Variants in PRKG1 observed in about 807,000 individuals in gnomAD.
The protein encoded by PRKG1 is protein kinase cGMP-dependent 1, also known as cGMP-dependent protein kinase 1.
In PRKG1, 35 loss-of-function variants were observed where a neutral mutation model predicts 88.1. That is an observed-to-expected ratio of 0.40 (90% CI 0.30 to 0.53). The LOEUF is 0.53. PRKG1 is among the 20% of genes least tolerant of loss of function. The pLI, the probability that PRKG1 is intolerant of heterozygous loss-of-function variation, is 0.59. For missense variants in PRKG1, 540 were observed against 839.8 expected, an observed-to-expected ratio of 0.64 and a Z score of 4.41; for synonymous variants, 303 against 292.5, an observed-to-expected ratio of 1.04 and a Z score of -0.37.
At chr10:52,129,429 C>G (rs1837195495) in intron 7 of PRKG1, among the ~76,000 whole-genome samples, 1 of 152,088 alleles carries the variant, frequency 6.6e-6, no homozygotes, top group African/African-American at 2.4e-5. Flanking sequence ...TACTATCACT[C>G]CTAAAATGAG....
intron 5 of PRKG1, among the ~76,000 whole-genome samples, chr10:52,014,535 CT>C (rs1469206750): frequency 6.6e-6 from 1 of 152,174 alleles, no homozygotes; most frequent in Admixed American, 6.5e-5. Flanking sequence ...CATTCTGCCC[CT>C]GGTCCCTCAC....
At chr10:52,217,811 CCTTT>C (rs772428109) in intron 9 of PRKG1, among the ~76,000 whole-genome samples, 1 of 152,126 alleles carries the variant, frequency 6.6e-6, no homozygotes, top group Non-Finnish European at 1.5e-5. Context: ...CTGTGGCTAG[CCTTT>C]CTTTTCCTTC....
At position 52,190,521 on chromosome 10, in the gene PRKG1, T is replaced by C. The variant is rs1014901529; in HGVS notation, c.1076+28558T>C. Among the ~76,000 whole-genome samples, 3 of 152,284 alleles carry C rather than the reference T, an allele frequency of 2.0e-5. No individual in the cohort carries two copies. The South Asian group carries it at 6.2e-4, about 32-fold the overall frequency. ...TACGTGTCAAGCATGAATTACCTGA[T>C]TTAATCCTAACAACTCTATTAGAAA... On this transcript the variant is annotated intron_variant, in intron 9 of 17. Transcript: ENST00000373980.
At chr10:51,595,103 T>G (rs958956821) in intron 3 of PRKG1, among the ~76,000 whole-genome samples, 1 of 152,100 alleles carries the variant, frequency 6.6e-6, no homozygotes, top group African/African-American at 2.4e-5. Context: ...CCCCAGCATT[T>G]TGGAAAGCCA....
intron 7 of PRKG1, chr10:52,128,648 TA>T: frequency 2.2e-6 from 2 of 889,974 alleles, no homozygotes; most frequent in Non-Finnish European, 2.7e-6. Flanking sequence ...AGAAGTGGCT[TA>T]AAAAGAGGCC....
intron 2 of PRKG1, among the ~76,000 whole-genome samples, chr10:51,242,861 C>T (rs1839189593): frequency 6.6e-6 from 1 of 152,082 alleles, no homozygotes; most frequent in Admixed American, 6.6e-5. Flanking sequence ...AGACAGGTTG[C>T]AGGTGATCAC....
At chr10:51,221,407 A>C (rs1035232790) in intron 2 of PRKG1, among the ~76,000 whole-genome samples, 2 of 152,132 alleles carry the variant, frequency 1.3e-5, no homozygotes, top group African/African-American at 4.8e-5. Context: ...TAAGATGTGC[A>C]CAAATTAATT....
At chr10:51,968,476 A>T (rs979112633) in intron 5 of PRKG1, among the ~76,000 whole-genome samples, 24 of 152,220 alleles carry the variant, frequency 1.6e-4, no homozygotes, top group Non-Finnish European at 2.8e-4. Context: ...TCATACATAC[A>T]TTCAATTCCT....
intron 1 of PRKG1, among the ~76,000 whole-genome samples, chr10:51,031,249 G>A (rs557878683): frequency 2.0e-4 from 31 of 152,146 alleles, no homozygotes; most frequent in South Asian, 6.2e-4. Context: ...TAATCTCCTA[G>A]GCCCTTCATA....
At chr10:51,280,907 A>C (rs1224928023) in intron 2 of PRKG1, among the ~76,000 whole-genome samples, 1 of 152,194 alleles carries the variant, frequency 6.6e-6, no homozygotes, top group Admixed American at 6.5e-5. Context: ...ATTGCTGGCG[A>C]GGAGCTGCCT....
chr10:51,489,648 CAT>C (rs1337538589), intron 3 of PRKG1, among the ~76,000 whole-genome samples: 1 of 151,554 alleles, frequency 6.6e-6, no homozygotes, highest in Non-Finnish European at 1.5e-5. Context: ...AGGAAAATGA[CAT>C]GTGTTGGATT....
intron 2 of PRKG1, among the ~76,000 whole-genome samples, chr10:51,286,441 T>G (rs899181596): frequency 2.0e-5 from 3 of 152,368 alleles, no homozygotes; most frequent in Non-Finnish European, 2.9e-5. Flanking sequence ...TCTTATAACA[T>G]TTATTTCTTG....
intron 4 of PRKG1, among the ~76,000 whole-genome samples, chr10:51,845,315 C>T (rs752706517): frequency 2.0e-4 from 31 of 152,092 alleles, no homozygotes; most frequent in Non-Finnish European, 4.1e-4. Flanking sequence ...TTAAGCACCA[C>T]CTCTTGTGTA....
At chr10:52,105,455 C>G (rs1847393793) in intron 7 of PRKG1, among the ~76,000 whole-genome samples, 1 of 152,100 alleles carries the variant, frequency 6.6e-6, no homozygotes, top group Admixed American at 6.5e-5. Flanking sequence ...ATTAAGGCAT[C>G]ATGTTGCTAA....
intron 3 of PRKG1, among the ~76,000 whole-genome samples, chr10:51,781,934 G>T (rs1838600439): frequency 6.7e-6 from 1 of 149,388 alleles, no homozygotes; most frequent in Non-Finnish European, 1.5e-5. Flanking sequence ...CCTCACTTCA[G>T]CCCCCAACAC....
intron 4 of PRKG1, among the ~76,000 whole-genome samples, chr10:51,814,427 T>C (rs1158788266): frequency 7.0e-6 from 1 of 143,252 alleles, no homozygotes; most frequent in Non-Finnish European, 1.5e-5. Context: ...TTGGGGGCTG[T>C]TAGAACTTAA....
At chr10:51,458,182 G>A (rs145320763) in intron 2 of PRKG1, among the ~76,000 whole-genome samples, 114 of 152,234 alleles carry the variant, frequency 7.5e-4, no homozygotes, top group African/African-American at 2.5e-3. Context: ...ATTTTAAACT[G>A]TCAAGTAACA....
At chr10:51,775,320 T>G (rs1225848318) in intron 3 of PRKG1, among the ~76,000 whole-genome samples, 5 of 152,150 alleles carry the variant, frequency 3.3e-5, no homozygotes, top group African/African-American at 9.6e-5. Context: ...GATTGCTTTA[T>G]TTTTTAAGAA....
chr10:51,431,784 C>T (rs546312080), intron 2 of PRKG1, among the ~76,000 whole-genome samples: 122 of 152,160 alleles, frequency 8.0e-4, no homozygotes, highest in African/African-American at 2.8e-3. Flanking sequence ...ATTTAAATGG[C>T]ATAAACTAGA....
Sources: allele counts gnomAD v4.1 joint callset (sites outside exome capture counted in the v4.1 genomes callset), GRCh38; gene constraint gnomAD v4.1.1; transcripts MANE v1.5; gene names NCBI Gene and HGNC (gene_info 2026-07-23, HGNC 2026-07-21).